SMYD3: variants seen among roughly 807,000 people sequenced by gnomAD.
SMYD3 encodes the protein histone-lysine N-methyltransferase SMYD3.
A neutral mutation model predicts 57.7 loss-of-function variants in SMYD3; 36 were observed. The ratio of observed to expected loss-of-function variants is 0.62; its 90% CI spans 0.48 to 0.82. The LOEUF (loss-of-function observed/expected upper bound fraction) is 0.82. Among genes scored for constraint, SMYD3 ranks in the 40% least tolerant of loss-of-function variants. The pLI, the probability that SMYD3 is intolerant of heterozygous loss-of-function variation, is 0.00. For missense variants in SMYD3, 515 were observed against 538.8 expected (o/e 0.96, Z 0.44); for synonymous variants, 211 against 195.0 (o/e 1.08, Z -0.68).
At position 245,781,138 on chromosome 1, in the gene SMYD3, C is replaced by G. The variant is rs375522016; in HGVS notation, c.1077-16989G>C. ...AGGCCTCAGGAAAACTTTGGAGATA[C>G]TAGAAATATTCTAAAAATGGATTGT... is the stretch of plus-strand genomic sequence containing the variant. On this transcript the variant is annotated intron_variant, in intron 10 of 11. Transcript: ENST00000490107. Among the ~76,000 whole-genome samples, 3 of 152,226 alleles carry G rather than the reference C, an allele frequency of 2.0e-5. No individual in the cohort carries two copies. The East Asian group carries it at 5.8e-4, about 29-fold the overall frequency.
chr1:245,813,358 T>C lies in SMYD3; in HGVS notation c.1076+45138A>G, dbSNP rs531628423. ...AAAATGTTCTCTTAGATAAAATGTA[T>C]AAGGGTCAACATGCAGCACACAAGC... On this transcript the variant is annotated intron_variant, in intron 10 of 11. Coordinates refer to ENST00000490107, the MANE Select transcript of SMYD3 (RefSeq NM_001167740.2). Among the ~76,000 whole-genome samples, 25 of 152,098 alleles carry C rather than the reference T, an allele frequency of 1.6e-4. No homozygotes were observed. In the South Asian group the frequency reaches 4.4e-3, roughly 27 times the overall value.
chr1:246,208,360 C>T (rs2063033456), intron 5 of SMYD3, among the ~76,000 whole-genome samples: 1 of 152,024 alleles, frequency 6.6e-6, no homozygotes, highest in Admixed American at 6.5e-5. Flanking sequence ...CACTATTAAG[C>T]TGAAAGGAAT....
At chr1:245,911,225 G>T (rs574249652) in intron 8 of SMYD3, among the ~76,000 whole-genome samples, 6 of 152,150 alleles carry the variant, frequency 3.9e-5, no homozygotes, top group Admixed American at 3.9e-4. Flanking sequence ...ACAAATGCTG[G>T]CAAGGATGTG....
chr1:246,446,828 C>G lies in SMYD3; in HGVS notation c.164+60226G>C, dbSNP rs2067556921. 3.9e-5 allele frequency among the ~76,000 whole-genome samples: 6 copies of G among 152,108 alleles called. No individual in the cohort carries two copies. The South Asian group carries it at 1.2e-3, about 32-fold the overall frequency. On this transcript the variant is annotated intron_variant, in intron 1 of 11. Coordinates refer to ENST00000490107, the MANE Select transcript of SMYD3 (RefSeq NM_001167740.2). ...GCAGATCACAAGGTCGGGAGATCGA[C>G]ACCATCCTGGCTAACATGATGAAAC...
intron 1 of SMYD3, among the ~76,000 whole-genome samples, chr1:246,420,677 T>C (rs1284684828): frequency 2.0e-5 from 3 of 152,226 alleles, no homozygotes; most frequent in African/African-American, 4.8e-5. Context: ...CTTGTTCTAA[T>C]ATAGCAAATG....
intron 1 of SMYD3, among the ~76,000 whole-genome samples, chr1:246,436,261 G>C (rs886668474): frequency 6.7e-6 from 1 of 149,856 alleles, no homozygotes; most frequent in African/African-American, 2.4e-5. Flanking sequence ...TGGAAACATG[G>C]ACTTAAACAA....
At chr1:245,750,516 A>G (rs1342797816) in intron 11 of SMYD3, among the ~76,000 whole-genome samples, 1 of 152,220 alleles carries the variant, frequency 6.6e-6, no homozygotes, top group Non-Finnish European at 1.5e-5. Context: ...TTCCCAGATG[A>G]AACACCAGAC....
intron 1 of SMYD3, among the ~76,000 whole-genome samples, chr1:246,450,390 C>A (rs926794367): frequency 1.1e-4 from 16 of 152,146 alleles, no homozygotes; most frequent in African/African-American, 3.6e-4. Flanking sequence ...GCTGCTCTCT[C>A]AGGAAATGCT....
intron 11 of SMYD3, among the ~76,000 whole-genome samples, chr1:245,752,302 G>A (rs911319632): frequency 6.6e-6 from 1 of 152,172 alleles, no homozygotes; most frequent in African/African-American, 2.4e-5. Flanking sequence ...TAACCTGCTC[G>A]GCCTCGCCTC....
intron 8 of SMYD3, among the ~76,000 whole-genome samples, chr1:245,900,605 C>T (rs1264923546): frequency 6.6e-6 from 1 of 152,162 alleles, no homozygotes; most frequent in African/African-American, 2.4e-5. Flanking sequence ...AACATGCACC[C>T]CACCTACTAA....
At position 246,411,274 on chromosome 1, in the gene SMYD3, G is replaced by GATACCAT. The variant is rs2066963690; in HGVS notation, c.165-56187_165-56181dup. Among the ~76,000 whole-genome samples the GATACCAT allele has an allele frequency of 4.6e-5, 7 of 152,254 alleles. No individual in the cohort carries two copies. In the South Asian group the frequency reaches 1.5e-3, roughly 32 times the overall value. On this transcript the variant is annotated intron_variant, in intron 1 of 11. Coordinates refer to ENST00000490107, the MANE Select transcript of SMYD3 (RefSeq NM_001167740.2). ...GAAATGCAAATCAAAACCACAATGA[G>GATACCAT]ATACCATCTCACACCAGTTAGAATG... is the stretch of plus-strand genomic sequence containing the variant.
intron 10 of SMYD3, among the ~76,000 whole-genome samples, chr1:245,825,442 A>T (rs2148357872): frequency 6.6e-6 from 1 of 152,274 alleles, no homozygotes; most frequent in South Asian, 2.1e-4. Flanking sequence ...TGAGATTGAC[A>T]GGCGGCCCCT....
intron 5 of SMYD3, among the ~76,000 whole-genome samples, chr1:246,123,388 G>A (rs937434138): frequency 1.3e-5 from 2 of 152,070 alleles, no homozygotes; most frequent in Admixed American, 6.5e-5. Context: ...CAACAATGGT[G>A]AAACCCCATC....
intron 5 of SMYD3, among the ~76,000 whole-genome samples, chr1:245,971,831 G>C (rs1222546547): frequency 2.0e-5 from 3 of 152,158 alleles, no homozygotes; most frequent in East Asian, 3.9e-4. Context: ...CTCTGTGAAG[G>C]AGGCTAACAA....
chr1:245,945,565 TC>T (rs1266147206), intron 5 of SMYD3, among the ~76,000 whole-genome samples: 1 of 152,156 alleles, frequency 6.6e-6, no homozygotes, highest in East Asian at 1.9e-4. Context: ...TGGCAATTCC[TC>T]AAAGGCCTAG....
At chr1:246,071,926 C>T (rs796362427) in intron 5 of SMYD3, among the ~76,000 whole-genome samples, 85 of 131,582 alleles carry the variant, frequency 6.5e-4, no homozygotes, top group East Asian at 6.1e-3. Context: ...CGTGTGCTTT[C>T]CACTGTGCTC....
At position 245,790,024 on chromosome 1, in the gene SMYD3, C is replaced by G. The variant is rs2791383; in HGVS notation, c.1077-25875G>C. Among the ~76,000 whole-genome samples, 335 of 152,218 alleles carry G rather than the reference C, an allele frequency of 2.2e-3. 1 individual carries two copies. The highest frequency in any genetic ancestry group is 7.6e-3 in the African/African-American group (314 of 41,494). ...ATAAGCTGGGAAATAAGGGAGACCA[C>G]GGTTCCTGTCCTCATGGATCTTACA... On this transcript the variant is annotated intron_variant, in intron 10 of 11. Coordinates refer to ENST00000490107, the MANE Select transcript of SMYD3 (RefSeq NM_001167740.2).
chr1:245,859,145 G>A (rs2051405847), intron 9 of SMYD3, among the ~76,000 whole-genome samples: 1 of 151,948 alleles, frequency 6.6e-6, no homozygotes, highest in Admixed American at 6.6e-5. Context: ...CCTGAGTTTT[G>A]GGCATACATG....
chr1:246,154,517 C>T (rs958057197), intron 5 of SMYD3, among the ~76,000 whole-genome samples: 1 of 152,162 alleles, frequency 6.6e-6, no homozygotes, highest in Non-Finnish European at 1.5e-5. Flanking sequence ...TTTTAATAGA[C>T]TTTCAGATGC....
Sources: gnomAD v4.1 joint callset for allele counts (sites outside exome capture counted in the v4.1 genomes callset) on GRCh38, gnomAD v4.1.1 for gene constraint, MANE v1.5 for transcripts, NCBI Gene and HGNC (gene_info 2026-07-23, HGNC 2026-07-21) for gene names.